The following NELL1 variants were observed in gnomAD, a reference collection of about 807,000 sequenced individuals.
NELL1 encodes protein kinase C-binding protein NELL1.
Under a neutral mutation model 107.4 loss-of-function variants are expected in NELL1, and 76 were observed. That is an observed-to-expected ratio of 0.71 (90% CI 0.59 to 0.86). NELL1 has a LOEUF of 0.86. Ranked by LOEUF, NELL1 falls within the 40% of genes least tolerant of loss-of-function variation. NELL1 has a pLI of 0.00. For synonymous variants in NELL1, 353 were observed against 341.2 expected (o/e 1.03, Z -0.38); for missense variants, 1,024 against 1,005.5 (o/e 1.02, Z -0.25).
In NELL1 at chr11:20,963,256, ACT is replaced by A. The variant is rs1257884121; in HGVS notation, c.1300+2699_1300+2700del. Among the ~76,000 whole-genome samples the A allele has an allele frequency of 2.0e-5, 3 of 151,604 alleles. No individual in the cohort carries two copies. In the East Asian group the frequency reaches 5.8e-4, roughly 29 times the overall value. On this transcript the variant is annotated intron_variant, in intron 12 of 19. Transcript: ENST00000357134. ...GTCCTTCGTAGAAAGTCATTCCCCA[ACT>A]CTACCCCTATTACCACCATAACCAC...
At chr11:20,853,920 C>T (rs900080493) in intron 4 of NELL1, among the ~76,000 whole-genome samples, 1 of 152,140 alleles carries the variant, frequency 6.6e-6, no homozygotes, top group African/African-American at 2.4e-5. Context: ...GAAACACCTC[C>T]TCCTGTGTAA....
rs114356988 is a variant in NELL1, at chr11:21,052,417, G to C, written c.1301-61172G>C. Among the ~76,000 whole-genome samples, 684 of 152,212 alleles carry C rather than the reference G, an allele frequency of 4.5e-3. 4 individuals carry two copies. The highest frequency in any genetic ancestry group is 0.016 in the African/African-American group (644 of 41,540). On this transcript the variant is annotated intron_variant, in intron 12 of 19. Transcript: ENST00000357134. ...GGAGGCTCCTAGAAAAATCCAAGAAGAGATGATGGTATCTTGGACCACATG... is the reference window on the plus strand; with the variant it reads ...GGAGGCTCCTAGAAAAATCCAAGAACAGATGATGGTATCTTGGACCACATG...
Position 20,928,433 on chromosome 11 carries a change from C to A in NELL1, c.951C>A (p.Asp317Glu), listed in dbSNP as rs1850547443. 6.2e-7 allele frequency: 1 copy of A among 1,614,086 alleles called. No homozygotes were observed. The highest frequency in any genetic ancestry group is 8.5e-7 in the Non-Finnish European group (1 of 1,179,968). The change falls in exon 9 of 20, where the codon GAC (aspartate) becomes GAA (glutamate). Residue 317 changes from aspartate (D) to glutamate (E), a missense_variant. Asp to Glu is a conservative substitution (Grantham distance 45). Coordinates refer to ENST00000357134, the MANE Select transcript of NELL1 (RefSeq NM_006157.5). Reference sequence around the variant, plus strand: ...GTCCCCCTCTCAATTGCTCCCCAGACTCCCTCCCAGTGCACATTGCTGGCC... The same window carrying A: ...GTCCCCCTCTCAATTGCTCCCCAGAATCCCTCCCAGTGCACATTGCTGGCC... ...MSCPPLNCSP[D>E]SLPVHIAGQC...
chr11:21,548,846 T>G (rs1026103705), intron 16 of NELL1, among the ~76,000 whole-genome samples: 15 of 151,308 alleles, frequency 9.9e-5, no homozygotes, highest in Middle Eastern at 3.4e-3. Flanking sequence ...GGCAAGTTAC[T>G]TGACCCTTTG....
chr11:20,861,826 C>T (rs1205722371), intron 4 of NELL1, among the ~76,000 whole-genome samples: 3 of 152,184 alleles, frequency 2.0e-5, no homozygotes, highest in Non-Finnish European at 4.4e-5. Flanking sequence ...GGCTCTGCCA[C>T]TAGATGTGCT....
At chr11:20,741,870 A>G (rs1855898496) in intron 2 of NELL1, among the ~76,000 whole-genome samples, 1 of 152,226 alleles carries the variant, frequency 6.6e-6, no homozygotes, top group South Asian at 2.1e-4. Flanking sequence ...CCTAAGGGAA[A>G]TATATGATGG....
intron 12 of NELL1, among the ~76,000 whole-genome samples, chr11:21,065,986 T>A (rs1853859023): frequency 6.6e-6 from 1 of 152,212 alleles, no homozygotes; most frequent in Non-Finnish European, 1.5e-5. Flanking sequence ...TCAGTTGTAA[T>A]TTTGAATATT....
At chr11:20,867,874 A>G (rs1192361864) in intron 4 of NELL1, among the ~76,000 whole-genome samples, 2 of 152,206 alleles carry the variant, frequency 1.3e-5, no homozygotes, top group East Asian at 3.8e-4. Context: ...GTTGGATATT[A>G]GAAAGAGTCT....
At chr11:21,421,958 A>G (rs1364942058) in intron 15 of NELL1, among the ~76,000 whole-genome samples, 1 of 152,182 alleles carries the variant, frequency 6.6e-6, no homozygotes, top group African/African-American at 2.4e-5. Context: ...TTTTTCACCA[A>G]AACTTTGGAG....
At chr11:21,447,907 C>T (rs895733835) in intron 15 of NELL1, among the ~76,000 whole-genome samples, 1 of 152,146 alleles carries the variant, frequency 6.6e-6, no homozygotes, top group African/African-American at 2.4e-5. Flanking sequence ...CAGTTCTGAC[C>T]ACTGCAATGA....
intron 14 of NELL1, among the ~76,000 whole-genome samples, chr11:21,336,161 G>A (rs528341235): frequency 1.3e-5 from 2 of 151,892 alleles, no homozygotes; most frequent in East Asian, 1.9e-4. Context: ...CATTAAACCT[G>A]CCCTTAGACA....
At chr11:21,142,027 G>A (rs951020089) in intron 13 of NELL1, among the ~76,000 whole-genome samples, 1 of 152,096 alleles carries the variant, frequency 6.6e-6, no homozygotes, top group Admixed American at 6.6e-5. Flanking sequence ...GCCTCCCAAA[G>A]TGCTGGGATT....
Position 20,721,177 on chromosome 11 carries a change from TTG to T in NELL1, c.184+43121_184+43122del, listed in dbSNP as rs890950166. Among the ~76,000 whole-genome samples the T allele has an allele frequency of 9.6e-3, 327 of 33,950 alleles. 2 individuals are homozygous for T. The highest frequency in any genetic ancestry group is 0.023 in the Admixed American group (50 of 2,188). 22.3% of individuals were successfully genotyped at this position (33,950 alleles called of 152,430 possible). On this transcript the variant is annotated intron_variant, in intron 2 of 19. Transcript: ENST00000357134. Reference sequence around the variant, plus strand: ...AACCAATGAGATATAGATATATATTTTGTGTATATATATATATATAGTGTATA... The same window carrying T: ...AACCAATGAGATATAGATATATATTTTGTATATATATATATATAGTGTATA...
intron 12 of NELL1, among the ~76,000 whole-genome samples, chr11:21,003,767 AT>A (rs1467420436): frequency 6.6e-6 from 1 of 152,024 alleles, no homozygotes; most frequent in East Asian, 1.9e-4. Context: ...CTAATGCTAG[AT>A]TACCTTTTTT....
At chr11:21,207,749 A>G (rs1178429005) in intron 13 of NELL1, among the ~76,000 whole-genome samples, 1 of 152,142 alleles carries the variant, frequency 6.6e-6, no homozygotes, top group Non-Finnish European at 1.5e-5. Context: ...TCTGTATTTT[A>G]CTCACACACA....
At chr11:20,935,437 A>G (rs1433453085) in intron 9 of NELL1, among the ~76,000 whole-genome samples, 1 of 151,856 alleles carries the variant, frequency 6.6e-6, no homozygotes, top group Non-Finnish European at 1.5e-5. Flanking sequence ...CGGAAGTGAG[A>G]GATAAAGCAT....
At chr11:21,381,209 T>G (rs1302354571) in intron 15 of NELL1, among the ~76,000 whole-genome samples, 2 of 152,042 alleles carry the variant, frequency 1.3e-5, no homozygotes, top group Non-Finnish European at 1.5e-5. Context: ...CTGTGAGTAA[T>G]GAGCCATAAT....
chr11:21,290,253 C>A (rs1037161968), intron 14 of NELL1, among the ~76,000 whole-genome samples: 4 of 151,924 alleles, frequency 2.6e-5, no homozygotes, highest in African/African-American at 4.8e-5. Context: ...CCTGTAGTCC[C>A]AGCTACTTGG....
chr11:21,239,552 G>A (rs1485415038), intron 14 of NELL1, among the ~76,000 whole-genome samples: 2 of 152,028 alleles, frequency 1.3e-5, no homozygotes, highest in African/African-American at 2.4e-5. Flanking sequence ...GCCTGAAGCA[G>A]CATGGAATAC....
Sources: allele counts gnomAD v4.1 joint callset (sites outside exome capture counted in the v4.1 genomes callset), GRCh38; gene constraint gnomAD v4.1.1; transcripts MANE v1.5; gene names NCBI Gene and HGNC (gene_info 2026-07-23, HGNC 2026-07-21).